Variants in BRAF observed in about 807,000 individuals in gnomAD.
The protein encoded by BRAF is serine/threonine-protein kinase B-raf.
In BRAF, 16 loss-of-function variants were observed where a neutral mutation model predicts 104.6. The ratio of observed to expected loss-of-function variants is 0.15; its 90% CI spans 0.10 to 0.23. BRAF has a LOEUF of 0.23. BRAF is among the 10% of genes least tolerant of loss of function. The pLI, the probability that BRAF is intolerant of heterozygous loss-of-function variation, is 1.00. For missense variants in BRAF, 541 were observed against 937.3 expected (o/e 0.58, Z 5.52); for synonymous variants, 310 against 341.6 (o/e 0.91, Z 1.02).
At chr7:140,852,893 G>A (rs184233920) in intron 1 of BRAF, among the ~76,000 whole-genome samples, 6 of 152,160 alleles carry the variant, frequency 3.9e-5, no homozygotes, top group African/African-American at 1.2e-4. Context: ...CCTTCTTTGA[G>A]TAAACCAAAA....
At chr7:140,824,072 A>C (rs1805754981) in intron 3 of BRAF, 1 of 152,202 alleles carries the variant, frequency 6.6e-6, no homozygotes, top group Non-Finnish European at 1.5e-5. Flanking sequence ...AAGATTTGCA[A>C]ATATTTTTCC....
intron 3 of BRAF, among the ~76,000 whole-genome samples, chr7:140,826,930 C>T (rs1296821186): frequency 6.6e-6 from 1 of 152,182 alleles, no homozygotes; most frequent in African/African-American, 2.4e-5. Flanking sequence ...TTGTTATGTG[C>T]ACTTGGTCTT....
intron 14 of BRAF, among the ~76,000 whole-genome samples, chr7:140,764,166 C>T (rs1409065747): frequency 2.6e-5 from 4 of 151,764 alleles, no homozygotes; most frequent in African/African-American, 9.7e-5. Context: ...TAAATGTAAT[C>T]CAGCATATAA....
intron 2 of BRAF, among the ~76,000 whole-genome samples, chr7:140,846,655 A>T (rs1268041651): frequency 6.6e-6 from 1 of 152,182 alleles, no homozygotes; most frequent in Non-Finnish European, 1.5e-5. Flanking sequence ...TATACTTAAA[A>T]ATGGTTAAAA....
At chr7:140,865,462 A>G (rs560996847) in intron 1 of BRAF, among the ~76,000 whole-genome samples, 2 of 152,324 alleles carry the variant, frequency 1.3e-5, no homozygotes, top group Admixed American at 6.5e-5. Flanking sequence ...GTTTTGGTAT[A>G]CATTTAAAGC....
intron 12 of BRAF, chr7:140,781,138 G>C (rs1378265751): frequency 5.4e-6 from 1 of 184,254 alleles, no homozygotes; most frequent in African/African-American, 2.4e-5. Flanking sequence ...TCACCATGTT[G>C]GCCAGTATGG....
At chr7:140,820,955 G>A (rs578237222) in intron 3 of BRAF, among the ~76,000 whole-genome samples, 91 of 152,122 alleles carry the variant, frequency 6.0e-4, no homozygotes, top group Non-Finnish European at 8.2e-4. Context: ...AAAATCTCAA[G>A]GAACATATAT....
intron 12 of BRAF, chr7:140,780,996 A>G (rs995652660): frequency 6.5e-6 from 1 of 152,896 alleles, no homozygotes; most frequent in Non-Finnish European, 1.5e-5. Context: ...GCAGTGGCGT[A>G]ATCTCAGCTC....
intron 1 of BRAF, among the ~76,000 whole-genome samples, chr7:140,854,685 C>G (rs920513209): frequency 6.6e-6 from 1 of 152,148 alleles, no homozygotes; most frequent in Non-Finnish European, 1.5e-5. Flanking sequence ...GTGGCTCACA[C>G]CTGTAATCCC....
chr7:140,871,233 C>T (rs951070243), intron 1 of BRAF, among the ~76,000 whole-genome samples: 3 of 131,934 alleles, frequency 2.3e-5, no homozygotes, highest in Admixed American at 7.4e-5. Flanking sequence ...GAGCAAGACT[C>T]CGTCTCAAAA....
chr7:140,917,107 C>T (rs938103026), intron 1 of BRAF, among the ~76,000 whole-genome samples: 1 of 152,234 alleles, frequency 6.6e-6, no homozygotes, highest in Non-Finnish European at 1.5e-5. Flanking sequence ...TTCACAATTG[C>T]TGGAGTGCAA....
At chr7:140,821,100 T>A (rs1047518252) in intron 3 of BRAF, among the ~76,000 whole-genome samples, 1 of 151,810 alleles carries the variant, frequency 6.6e-6, no homozygotes, top group Non-Finnish European at 1.5e-5. Flanking sequence ...TCCTGGATTA[T>A]CCCGCCTCAG....
At chr7:140,868,177 T>C (rs1232753030) in intron 1 of BRAF, among the ~76,000 whole-genome samples, 1 of 152,200 alleles carries the variant, frequency 6.6e-6, no homozygotes, top group East Asian at 1.9e-4. Context: ...CAAGCAGTGG[T>C]TGTTTTAAGC....
Position 140,909,504 on chromosome 7 carries a change from T to C in BRAF, c.138+15062A>G, listed in dbSNP as rs189118409. Among the ~76,000 whole-genome samples the C allele has an allele frequency of 1.1e-4, 17 of 152,260 alleles. No homozygotes were observed. The South Asian group carries it at 1.5e-3, about 13-fold the overall frequency. Reference sequence around the variant, plus strand: ...ATATTTAGGCTATTACTATAATAAATAACACACTGATGGTACTTTGTACAT... The same window carrying C: ...ATATTTAGGCTATTACTATAATAAACAACACACTGATGGTACTTTGTACAT... On this transcript the variant is annotated intron_variant, in intron 1 of 19. Transcript: ENST00000644969.
intron 2 of BRAF, among the ~76,000 whole-genome samples, chr7:140,846,171 G>A (rs904236817): frequency 6.6e-6 from 1 of 152,084 alleles, no homozygotes; most frequent in Non-Finnish European, 1.5e-5. Flanking sequence ...ATACCCCAAA[G>A]AAGTAAAAGG....
At chr7:140,732,319 T>C (rs1796046713) in intron 19 of BRAF, 1 of 149,774 alleles carries the variant, frequency 6.7e-6, no homozygotes, top group African/African-American at 2.5e-5. Flanking sequence ...GTCAAAGAGA[T>C]TAACTCTACA....
intron 14 of BRAF, among the ~76,000 whole-genome samples, chr7:140,767,084 G>A (rs937333158): frequency 2.0e-5 from 3 of 152,078 alleles, no homozygotes; most frequent in African/African-American, 7.2e-5. Context: ...ACTCTCTGCA[G>A]CCTCATCTTC....
At chr7:140,869,564 C>T (rs1464524092) in intron 1 of BRAF, among the ~76,000 whole-genome samples, 1 of 151,050 alleles carries the variant, frequency 6.6e-6, no homozygotes, top group Non-Finnish European at 1.5e-5. Flanking sequence ...ACCTGGGAGA[C>T]AGAGGTTGCG....
At chr7:140,858,443 C>A (rs1205153466) in intron 1 of BRAF, among the ~76,000 whole-genome samples, 2 of 152,150 alleles carry the variant, frequency 1.3e-5, no homozygotes, top group East Asian at 3.9e-4. Flanking sequence ...AAAGTCAAAG[C>A]CTTGGCAATT....
Sources: gnomAD v4.1 joint callset for allele counts (sites outside exome capture counted in the v4.1 genomes callset) on GRCh38, gnomAD v4.1.1 for gene constraint, MANE v1.5 for transcripts, NCBI Gene and HGNC (gene_info 2026-07-23, HGNC 2026-07-21) for gene names.